The following ZNF469 variants were observed in gnomAD, a reference collection of about 807,000 sequenced individuals.
ZNF469 encodes the protein zinc finger protein 469.
In ZNF469, 1 loss-of-function variant was observed where a neutral mutation model predicts 1.0. The observed-to-expected ratio is 1.00, with a 90% CI of 0.35 to 4.73. The LOEUF (loss-of-function observed/expected upper bound fraction) is 4.73. Ranked by LOEUF, ZNF469 falls within the 30% of genes most tolerant of loss-of-function variation. ZNF469 has a pLI of 0.16. For synonymous variants in ZNF469, 2,703 were observed against 2,363.4 expected (o/e 1.14, Z -4.17); for missense variants, 6,100 against 5,356.3 (o/e 1.14, Z -4.33).
At chr16:88,132,002 G>A in the ZNF469 span, among the ~76,000 whole-genome samples, 3 of 152,234 alleles carry the variant, frequency 2.0e-5, no homozygotes, top group East Asian at 1.9e-4. Flanking sequence ...GCGATGCTCC[G>A]CCCGTGGGAA....
chr16:88,398,165 C>T (rs906229078), intron 1 of ZNF469, among the ~76,000 whole-genome samples: 1 of 152,260 alleles, frequency 6.6e-6, no homozygotes, highest in Admixed American at 6.5e-5. Context: ...CTGGTTGCAA[C>T]GTGCAGCTCT....
At chr16:88,408,849 G>A (rs1262281969) in intron 1 of ZNF469, among the ~76,000 whole-genome samples, 1 of 152,108 alleles carries the variant, frequency 6.6e-6, no homozygotes, top group Non-Finnish European at 1.5e-5. Context: ...CCAGCCCCTG[G>A]CAGATATCCC....
chr16:88,297,333 G>T, the ZNF469 span, among the ~76,000 whole-genome samples: 2 of 152,222 alleles, frequency 1.3e-5, no homozygotes, highest in African/African-American at 4.8e-5. Flanking sequence ...CCAGGGATGA[G>T]TCAAAGACGG....
At chr16:88,364,794 T>A in the ZNF469 span, among the ~76,000 whole-genome samples, 1 of 25,422 alleles carries the variant, frequency 3.9e-5, no homozygotes, top group African/African-American at 1.7e-4. Context: ...TGAAACCCCA[T>A]CTCTACTAAA....
chr16:88,339,227 G>A, the ZNF469 span, among the ~76,000 whole-genome samples: 2 of 101,648 alleles, frequency 2.0e-5, no homozygotes, highest in African/African-American at 8.3e-5. Context: ...ATCGGGGATA[G>A]GATAGCAGGG....
At chr16:88,272,784 G>A in the ZNF469 span, among the ~76,000 whole-genome samples, 1 of 151,390 alleles carries the variant, frequency 6.6e-6, no homozygotes, top group South Asian at 2.1e-4. Flanking sequence ...ACAGGTGGAT[G>A]AACGGGTGGG....
chr16:88,102,547 T>C, the ZNF469 span, among the ~76,000 whole-genome samples: 1 of 152,164 alleles, frequency 6.6e-6, no homozygotes, highest in Non-Finnish European at 1.5e-5. Flanking sequence ...CAAAAGAACA[T>C]GGGCAGGGCT....
the ZNF469 span, among the ~76,000 whole-genome samples, chr16:88,251,599 C>T: frequency 7.0e-5 from 8 of 114,984 alleles, no homozygotes; most frequent in South Asian, 9.7e-4. Flanking sequence ...TGCTGTGTCG[C>T]CCAGGTTACA....
the ZNF469 span, among the ~76,000 whole-genome samples, chr16:88,274,082 C>T: frequency 1.2e-4 from 18 of 152,214 alleles, no homozygotes; most frequent in African/African-American, 4.1e-4. Flanking sequence ...GGATTACAGG[C>T]GTGAGCCACC....
At chr16:88,238,034 C>T in the ZNF469 span, among the ~76,000 whole-genome samples, 1 of 152,222 alleles carries the variant, frequency 6.6e-6, no homozygotes, top group South Asian at 2.1e-4. Flanking sequence ...ATTCCATTGT[C>T]TGGAGGGACC....
chr16:88,231,894 C>G, the ZNF469 span, among the ~76,000 whole-genome samples: 1 of 152,176 alleles, frequency 6.6e-6, no homozygotes, highest in African/African-American at 2.4e-5. The surrounding 1 kb of genome is among the most constrained non-coding windows in gnomAD (Gnocchi z 4.5). Flanking sequence ...ATTATTGAGC[C>G]AATAACAGTA....
the ZNF469 span, among the ~76,000 whole-genome samples, chr16:88,167,913 AGT>A: frequency 1.3e-5 from 2 of 152,250 alleles, no homozygotes; most frequent in African/African-American, 4.8e-5. Flanking sequence ...AGAATCCAGC[AGT>A]GTTTTGATGT....
the ZNF469 span, among the ~76,000 whole-genome samples, chr16:88,151,123 C>G: frequency 6.6e-6 from 1 of 152,252 alleles, no homozygotes; most frequent in Non-Finnish European, 1.5e-5. This position sits in a 1 kb window ranked among gnomAD's most constrained non-coding sequence, Gnocchi z 5.4. Flanking sequence ...GTGAGCTCCT[C>G]TGCCGGCTCA....
At chr16:88,282,330 G>T in the ZNF469 span, among the ~76,000 whole-genome samples, 5 of 152,166 alleles carry the variant, frequency 3.3e-5, no homozygotes, top group African/African-American at 1.2e-4. Flanking sequence ...TGGGGTTTAT[G>T]TCAAAAGTCA....
rs1173400695 is a variant in ZNF469 at position 88,428,973 on chromosome 16, G to A, written c.1503G>A (p.Leu501=). The A allele has an allele frequency of 6.5e-7, 1 of 1,548,650 alleles. No homozygotes were observed. The highest frequency in any genetic ancestry group is 2.0e-5 in the Admixed American group (1 of 50,972). ...ARPSPHGMEM[L]SRLPFPAGGP... is the part of the protein sequence containing the mutation. ...CAAGTCCCCACGGAATGGAGATGCT[G>A]AGCCGGCTGCCTTTCCCCGCGGGGG... is the stretch of plus-strand genomic sequence containing the variant. The change falls in exon 3 of 3, where the codon CTG becomes CTA. Residue 501 remains leucine, a synonymous_variant. Coordinates refer to ENST00000565624, the MANE Select transcript of ZNF469 (RefSeq NM_001367624.2).
At chr16:88,224,049 C>T in the ZNF469 span, among the ~76,000 whole-genome samples, 2 of 152,158 alleles carry the variant, frequency 1.3e-5, no homozygotes, top group African/African-American at 2.4e-5. Context: ...GCGATGTTGA[C>T]TTTTCTATGT....
Position 88,434,776 on chromosome 16 carries a change from G to T in ZNF469, c.7306G>T (p.Gly2436Trp). The T allele has an allele frequency of 6.5e-7, 1 of 1,550,332 alleles. No individual in the cohort carries two copies. Among genetic ancestry groups the T allele is most frequent in the Non-Finnish European group, 8.7e-7 (1 of 1,146,952 alleles). Residue 2436 changes from glycine (G) to tryptophan (W), a missense_variant, in exon 3 of 3, where the codon GGG (glycine) becomes TGG (tryptophan). Physicochemically the swap from Gly to Trp is radical, Grantham distance 184. Transcript: ENST00000565624. ...HRNASHQTPQ[G>W]DPLGPQDLKQ... ...AAATGCCTCCCACCAGACTCCCCAG[G>T]GGGACCCCCTCGGCCCCCAAGACCT...
At chr16:88,271,176 C>T in the ZNF469 span, among the ~76,000 whole-genome samples, 3 of 151,404 alleles carry the variant, frequency 2.0e-5, no homozygotes, top group East Asian at 2.0e-4. Flanking sequence ...TGCTCGAGCC[C>T]AGGCCTGGCT....
At chr16:88,274,956 C>T in the ZNF469 span, among the ~76,000 whole-genome samples, 2 of 152,178 alleles carry the variant, frequency 1.3e-5, no homozygotes, top group East Asian at 1.9e-4. Context: ...GACACTCGCT[C>T]GCACACATGC....
Sources: gnomAD v4.1 joint callset for allele counts (sites outside exome capture counted in the v4.1 genomes callset) on GRCh38, gnomAD v4.1.1 for gene constraint, Gnocchi (gnomAD v3.1) non-coding constraint, MANE v1.5 for transcripts, NCBI Gene and HGNC (gene_info 2026-07-23, HGNC 2026-07-21) for gene names.